The following LGR6 variants were observed in gnomAD, a reference collection of about 807,000 sequenced individuals.
The protein encoded by LGR6 is leucine-rich repeat-containing G protein-coupled receptor 6.
Under a neutral mutation model 69.4 loss-of-function variants are expected in LGR6, and 45 were observed. That is an observed-to-expected ratio of 0.65 (90% confidence interval 0.51 to 0.83). The LOEUF is 0.83. LGR6 is among the 40% of genes least tolerant of loss of function. LGR6 has a pLI of 0.00. For synonymous variants in LGR6, 538 were observed against 555.0 expected, an observed-to-expected ratio of 0.97 and a Z score of 0.43; for missense variants, 1,108 against 1,246.7, an observed-to-expected ratio of 0.89 and a Z score of 1.68.
chr1:202,273,851 C>T (rs1033221592), intron 4 of LGR6, among the ~76,000 whole-genome samples: 4 of 152,144 alleles, frequency 2.6e-5, no homozygotes, highest in African/African-American at 9.7e-5. Flanking sequence ...TCATTCATGA[C>T]ACCCCTTTCC....
Position 202,318,108 on chromosome 1 carries a change from G to A in LGR6, c.1805G>A (p.Gly602Asp), listed in dbSNP as rs1483164207. The A allele has an allele frequency of 6.2e-7, 1 of 1,614,068 alleles. No individual in the cohort carries two copies. The highest frequency in any genetic ancestry group is 8.5e-7 in the Non-Finnish European group (1 of 1,180,040). ...CTGCCCCCGGTCAAGTTTGTGGTAG[G>A]TGCGATTGCAGGCGCCAACACCTTG... is the stretch of plus-strand genomic sequence containing the variant. ...VPLPPVKFVV[G>D]AIAGANTLTG... is the part of the protein sequence containing the mutation. Residue 602 changes from glycine to aspartate, a missense_variant, in exon 18 of 18, where the codon GGT becomes GAT. Coordinates refer to ENST00000367278, the MANE Select transcript of LGR6 (RefSeq NM_001017403.2).
chr1:202,309,352 C>A (rs1161281549), intron 15 of LGR6, among the ~76,000 whole-genome samples, 176 bp downstream of exon 15: 1 of 152,234 alleles, frequency 6.6e-6, no homozygotes, highest in African/African-American at 2.4e-5. Context: ...GTTCATGCCT[C>A]CCCTTCCTCC....
chr1:202,254,047 C>G (rs1437263010), intron 4 of LGR6, among the ~76,000 whole-genome samples: 2 of 151,788 alleles, frequency 1.3e-5, no homozygotes. Context: ...CCTCGTGATC[C>G]GCCCGCCTCG....
At chr1:202,205,614 T>C (rs1322081678) in intron 1 of LGR6, among the ~76,000 whole-genome samples, 2 of 125,602 alleles carry the variant, frequency 1.6e-5, no homozygotes, top group African/African-American at 3.2e-5. Flanking sequence ...ACACACCTCC[T>C]TCACACATAC....
intron 4 of LGR6, among the ~76,000 whole-genome samples, chr1:202,270,258 T>C (rs1365570391): frequency 6.6e-6 from 1 of 152,060 alleles, no homozygotes; most frequent in Non-Finnish European, 1.5e-5. Flanking sequence ...TTTTTTTTTT[T>C]TGAGACAGAG....
Position 202,225,565 on chromosome 1 carries a change from C to T in LGR6, c.284+71C>T, listed in dbSNP as rs184860404. On this transcript the variant is annotated intron_variant, in intron 2 of 17. Coordinates refer to ENST00000367278, the MANE Select transcript of LGR6 (RefSeq NM_001017403.2). ...TAATATCTCTGGAACCAGAGCTCCC[C>T]AGGAGGTGGGGTGGAGAGAAGAGAA... 74 of 1,376,422 alleles carry T rather than the reference C, an allele frequency of 5.4e-5. No individual in the cohort carries two copies. In the African/African-American group the frequency reaches 8.0e-4, roughly 15 times the overall value. 85.3% of individuals were successfully genotyped at this position (1,376,422 alleles called of 1,614,324 possible). A position where few individuals can be genotyped will look rare whatever the true frequency, so the allele number is the denominator to read the frequency against.
At chr1:202,308,250 T>C (rs1653423715) in intron 14 of LGR6, among the ~76,000 whole-genome samples, 2 of 152,158 alleles carry the variant, frequency 1.3e-5, no homozygotes, top group African/African-American at 4.8e-5. Context: ...TTTGCAAAAC[T>C]CTCACCTCCG....
chr1:202,255,583 A>G (rs1663701056), intron 4 of LGR6, among the ~76,000 whole-genome samples: 1 of 152,084 alleles, frequency 6.6e-6, no homozygotes, highest in Non-Finnish European at 1.5e-5. Flanking sequence ...TTAATTATAC[A>G]CTGACGTACT....
rs959777302 is a variant in LGR6 at position 202,268,517 on chromosome 1, A to G, written c.429-7789A>G. Among the ~76,000 whole-genome samples the G allele has an allele frequency of 2.6e-5, 4 of 151,444 alleles. No homozygotes were observed. The highest frequency in any genetic ancestry group is 5.9e-5 in the Non-Finnish European group (4 of 67,912). On this transcript the variant is annotated intron_variant, in intron 4 of 17. Coordinates refer to ENST00000367278, the MANE Select transcript of LGR6 (RefSeq NM_001017403.2). This position sits in a 1 kb window ranked among gnomAD's most constrained non-coding sequence, Gnocchi z 4.4. ...CCACCCTCCATTCTGTACTCCAACC[A>G]GAGACTGAGATGTCCCCCTCCCCAC...
At chr1:202,314,244 C>T (rs148787915) in intron 16 of LGR6, among the ~76,000 whole-genome samples, 37 of 152,266 alleles carry the variant, frequency 2.4e-4, no homozygotes, top group Non-Finnish European at 4.1e-4. Context: ...CCTTTGAGGA[C>T]GGCCATGATA....
chr1:202,202,820 C>T (rs939930801), intron 1 of LGR6, among the ~76,000 whole-genome samples: 8 of 152,208 alleles, frequency 5.3e-5, no homozygotes, highest in Admixed American at 2.0e-4. Context: ...ATTCCTCTCA[C>T]CCTCTGCTTC....
At chr1:202,257,314 A>C (rs188111281) in intron 4 of LGR6, among the ~76,000 whole-genome samples, 1 of 152,330 alleles carries the variant, frequency 6.6e-6, no homozygotes, top group African/African-American at 2.4e-5. Flanking sequence ...ATGAAGTCCA[A>C]TTAGTCTATT....
chr1:202,297,617 C>T (rs1172127820), intron 7 of LGR6, 41 bp downstream of exon 7: 8 of 1,558,686 alleles, frequency 5.1e-6, no homozygotes, highest in Non-Finnish European at 7.1e-6. Flanking sequence ...CCTTCTGTCC[C>T]AAGGGCAGGG....
At chr1:202,211,707 C>T (rs918345989) in intron 1 of LGR6, among the ~76,000 whole-genome samples, 6 of 152,070 alleles carry the variant, frequency 3.9e-5, no homozygotes, top group Non-Finnish European at 5.9e-5. Flanking sequence ...AATAGAAAAG[C>T]GTACATATCA....
intron 16 of LGR6, among the ~76,000 whole-genome samples, chr1:202,312,520 C>T (rs1412699866): frequency 2.0e-5 from 3 of 151,924 alleles, no homozygotes; most frequent in Admixed American, 2.0e-4. Flanking sequence ...TGGTGTTTAC[C>T]CTTTAAGTGA....
At chr1:202,281,771 A>G (rs1666024585) in intron 6 of LGR6, among the ~76,000 whole-genome samples, 1 of 150,548 alleles carries the variant, frequency 6.6e-6, no homozygotes, top group Non-Finnish European at 1.5e-5. Context: ...CTTGCCCTCC[A>G]TAACCAACCC....
chr1:202,198,979 T>C lies in LGR6; in HGVS notation c.212+4778T>C, dbSNP rs1482026108. 2.0e-5 allele frequency among the ~76,000 whole-genome samples: 3 copies of C among 152,160 alleles called. No individual in the cohort carries two copies. The East Asian group carries it at 5.8e-4, about 29-fold the overall frequency. The stretch of plus-strand genomic sequence containing the variant: ...AGATTCTAAAAGTTTGACTCCTCCT[T>C]CCGGAAACTTGGGGTTTGTGAGTTC... On this transcript the variant is annotated intron_variant, in intron 1 of 17. Coordinates refer to ENST00000367278, the MANE Select transcript of LGR6 (RefSeq NM_001017403.2).
chr1:202,301,131 A>C (rs375015427), intron 8 of LGR6, 33 bp from the exon 9 acceptor site: 4 of 1,605,756 alleles, frequency 2.5e-6, no homozygotes, highest in Middle Eastern at 1.6e-4. Flanking sequence ...GGCCTGAAAA[A>C]CCCAATTAGG....
In LGR6 at chr1:202,302,793, C is replaced by T. The variant is rs191783868; in HGVS notation, c.930-486C>T. Among the ~76,000 whole-genome samples the T allele has an allele frequency of 3.0e-3, 462 of 152,174 alleles. 1 individual carries two copies. The Middle Eastern group carries it at 0.048, about 16-fold the overall frequency. Reference sequence around the variant, plus strand: ...AACTCCTGACCTCAGGTGATCCGCCCGCCTCGGCCTCCCAAAGTGCTGGGA... The same window carrying T: ...AACTCCTGACCTCAGGTGATCCGCCTGCCTCGGCCTCCCAAAGTGCTGGGA... On this transcript the variant is annotated intron_variant, in intron 9 of 17. Transcript: ENST00000367278.
Sources: gnomAD v4.1 joint callset for allele counts (sites outside exome capture counted in the v4.1 genomes callset) on GRCh38, gnomAD v4.1.1 for gene constraint, Gnocchi (gnomAD v3.1) non-coding constraint, MANE v1.5 for transcripts, NCBI Gene and HGNC (gene_info 2026-07-23, HGNC 2026-07-21) for gene names.